CDK5RAP2: variants seen among roughly 807,000 people sequenced by gnomAD.
The protein encoded by CDK5RAP2 is CDK5 regulatory subunit associated protein 2.
In CDK5RAP2, 147 loss-of-function variants were observed where a neutral mutation model predicts 232.9. The ratio of observed to expected loss-of-function variants is 0.63; its 90% CI spans 0.55 to 0.72. CDK5RAP2 has a LOEUF of 0.72. CDK5RAP2 is among the 30% of genes least tolerant of loss of function. The pLI, the probability that CDK5RAP2 is intolerant of heterozygous loss-of-function variation, is 0.00. For synonymous variants in CDK5RAP2, 833 were observed against 833.7 expected, an observed-to-expected ratio of 1.00 and a Z score of 0.01; for missense variants, 2,195 against 2,231.5, an observed-to-expected ratio of 0.98 and a Z score of 0.33.
chr9:120,573,131 T>C (rs2042912914), intron 1 of CDK5RAP2, among the ~76,000 whole-genome samples: 1 of 152,214 alleles, frequency 6.6e-6, no homozygotes, highest in Admixed American at 6.5e-5. Context: ...TCCAAATTCA[T>C]TGTGCTCCTA....
intron 31 of CDK5RAP2, 44 bp downstream of exon 31, chr9:120,408,303 C>G: frequency 6.2e-7 from 1 of 1,611,940 alleles, no homozygotes; most frequent in Non-Finnish European, 8.5e-7. Context: ...GGTGGTCTTA[C>G]AGCCCAAAGC....
chr9:120,569,767 C>T (rs1334933141), intron 2 of CDK5RAP2, among the ~76,000 whole-genome samples: 1 of 152,146 alleles, frequency 6.6e-6, no homozygotes, highest in Non-Finnish European at 1.5e-5. Context: ...TACAGGCTCC[C>T]TCTGGCTGCC....
intron 12 of CDK5RAP2, among the ~76,000 whole-genome samples, chr9:120,499,235 G>A (rs1333182233): frequency 6.6e-6 from 1 of 152,164 alleles, no homozygotes; most frequent in Non-Finnish European, 1.5e-5. Flanking sequence ...AAATAATTCA[G>A]TGTTGAAAAG....
At chr9:120,419,338 A>G (rs2034429023) in intron 27 of CDK5RAP2, among the ~76,000 whole-genome samples, 1 of 152,232 alleles carries the variant, frequency 6.6e-6, no homozygotes, top group South Asian at 2.1e-4. Flanking sequence ...GTCACACTAA[A>G]GGAAAACAAA....
In CDK5RAP2 at chr9:120,490,370, A is replaced by T. The variant is rs111542798; in HGVS notation, c.1482+937T>A. 2.0e-5 allele frequency among the ~76,000 whole-genome samples: 3 copies of T among 152,118 alleles called. 1 individual carries two copies. Among genetic ancestry groups the T allele is most frequent in the African/African-American group, 7.2e-5 (3 of 41,480 alleles). On this transcript the variant is annotated intron_variant, in intron 13 of 37. Coordinates refer to ENST00000349780, the MANE Select transcript of CDK5RAP2 (RefSeq NM_018249.6). ...CCTCCCTGTTTTCACTTAAGTGGTC[A>T]CTCCTGCTTTCAGTTACATCTGGTG... is the stretch of plus-strand genomic sequence containing the variant.
At chr9:120,512,127 T>C (rs947391783) in intron 12 of CDK5RAP2, among the ~76,000 whole-genome samples, 1 of 152,168 alleles carries the variant, frequency 6.6e-6, no homozygotes, top group Non-Finnish European at 1.5e-5. Flanking sequence ...GGTAGAAGGA[T>C]TGCCTGAGGC....
At chr9:120,474,836 C>T (rs765237077) in intron 15 of CDK5RAP2, among the ~76,000 whole-genome samples, 1 of 152,200 alleles carries the variant, frequency 6.6e-6, no homozygotes, top group African/African-American at 2.4e-5. Context: ...GGGTCATCCA[C>T]CTTTCCTGTC....
chr9:120,564,693 T>C (rs888295000), intron 3 of CDK5RAP2, among the ~76,000 whole-genome samples: 1 of 152,132 alleles, frequency 6.6e-6, no homozygotes, highest in Admixed American at 6.5e-5. Context: ...CATCCATGAG[T>C]ATTGAGAATG....
chr9:120,417,561 G>A (rs190653316), intron 27 of CDK5RAP2, among the ~76,000 whole-genome samples: 33 of 152,346 alleles, frequency 2.2e-4, no homozygotes, highest in Non-Finnish European at 2.8e-4. Flanking sequence ...AGCAGCAATC[G>A]AAACATGCCA....
At chr9:120,571,686 C>T (rs1448939667) in intron 2 of CDK5RAP2, 1 of 407,282 alleles carries the variant, frequency 2.5e-6, no homozygotes, top group Non-Finnish European at 4.7e-6. Context: ...AATGTCCAGC[C>T]TCCGTGCAGT....
At chr9:120,560,610 T>C (rs147160080) in intron 3 of CDK5RAP2, among the ~76,000 whole-genome samples, 2 of 152,296 alleles carry the variant, frequency 1.3e-5, no homozygotes, top group African/African-American at 4.8e-5. Flanking sequence ...CATACATAGA[T>C]GGTGGTATTG....
At chr9:120,573,566 A>G (rs554976967) in intron 1 of CDK5RAP2, among the ~76,000 whole-genome samples, 1 of 149,042 alleles carries the variant, frequency 6.7e-6, no homozygotes, top group Non-Finnish European at 1.5e-5. Flanking sequence ...AAAAAAATTT[A>G]AAAAAAAAAG....
At chr9:120,577,048 C>T (rs950558496) in intron 1 of CDK5RAP2, among the ~76,000 whole-genome samples, 3 of 152,084 alleles carry the variant, frequency 2.0e-5, no homozygotes, top group Non-Finnish European at 4.4e-5. Flanking sequence ...TACTTATACG[C>T]GACACTTAGA....
At chr9:120,438,985 C>A (rs1292614704) in intron 24 of CDK5RAP2, among the ~76,000 whole-genome samples, 2 of 152,096 alleles carry the variant, frequency 1.3e-5, no homozygotes, top group Non-Finnish European at 2.9e-5. Context: ...TATTTATATT[C>A]CTCCTACCTT....
Position 120,528,659 on chromosome 9 carries a change from A to G in CDK5RAP2, c.879+85T>C, listed in dbSNP as rs941274027. On this transcript the variant is annotated intron_variant, in intron 9 of 37. Coordinates refer to ENST00000349780, the MANE Select transcript of CDK5RAP2 (RefSeq NM_018249.6). Reference sequence around the variant, plus strand: ...CAATGAGTGACAGCTACTGTGACACAGAATTATCTGCTGCACTCAGAATAA... The same window carrying G: ...CAATGAGTGACAGCTACTGTGACACGGAATTATCTGCTGCACTCAGAATAA... The G allele has an allele frequency of 3.5e-6, 3 of 849,064 alleles. No individual in the cohort carries two copies. In the African/African-American group the frequency reaches 5.0e-5, roughly 14 times the overall value. The allele number at this position is 849,064 out of a possible 1,614,324, so 52.6% of individuals were successfully genotyped here.
At chr9:120,525,397 C>T (rs1449513218) in intron 10 of CDK5RAP2, among the ~76,000 whole-genome samples, 1 of 152,192 alleles carries the variant, frequency 6.6e-6, no homozygotes, top group Non-Finnish European at 1.5e-5. Context: ...ACAATTATTA[C>T]TGTCCATATA....
chr9:120,481,634 T>TCC (rs1424770200), intron 14 of CDK5RAP2, among the ~76,000 whole-genome samples: 1 of 148,952 alleles, frequency 6.7e-6, no homozygotes, highest in Non-Finnish European at 1.5e-5. Flanking sequence ...TGCCTTAGCC[T>TCC]CCCAAGTAGT....
Position 120,394,506 on chromosome 9 carries a change from A to G in CDK5RAP2, c.5578+6T>C. 2 of 1,614,080 alleles carry G rather than the reference A, an allele frequency of 1.2e-6. No homozygotes were observed. Among genetic ancestry groups the G allele is most frequent in the Non-Finnish European group, 1.7e-6 (2 of 1,180,028 alleles). Reference sequence around the variant, plus strand: ...AGGCATAGCGGCCACCCCCACACTCACTCACATTGATCAAAGATGACTTTT... The same window carrying G: ...AGGCATAGCGGCCACCCCCACACTCGCTCACATTGATCAAAGATGACTTTT... On this transcript the variant is annotated splice_donor_region_variant and intron_variant, in intron 36 of 37. Coordinates refer to ENST00000349780, the MANE Select transcript of CDK5RAP2 (RefSeq NM_018249.6).
At chr9:120,520,694 A>G (rs1292724641) in intron 11 of CDK5RAP2, among the ~76,000 whole-genome samples, 5 of 130,156 alleles carry the variant, frequency 3.8e-5, no homozygotes, top group African/African-American at 1.4e-4. Context: ...TATGAGATAT[A>G]TCACACGATA....
Sources: gnomAD v4.1 joint callset for allele counts (sites outside exome capture counted in the v4.1 genomes callset) on GRCh38, gnomAD v4.1.1 for gene constraint, MANE v1.5 for transcripts, NCBI Gene and HGNC (gene_info 2026-07-23, HGNC 2026-07-21) for gene names.